Variants in CNTNAP2 observed in about 807,000 individuals in gnomAD.
CNTNAP2 encodes contactin-associated protein-like 2.
A neutral mutation model predicts 155.2 loss-of-function variants in CNTNAP2; 98 were observed. The observed-to-expected ratio is 0.63, with a 90% CI of 0.54 to 0.75. CNTNAP2 has a LOEUF of 0.75. Among genes scored for constraint, CNTNAP2 ranks in the 30% least tolerant of loss-of-function variants. CNTNAP2 has a pLI of 0.00. For synonymous variants in CNTNAP2, 651 were observed against 631.2 expected (o/e 1.03, Z -0.47); for missense variants, 1,727 against 1,688.1 (o/e 1.02, Z -0.40).
intron 8 of CNTNAP2, among the ~76,000 whole-genome samples, chr7:147,166,123 C>T (rs1417281098): frequency 6.6e-6 from 1 of 152,102 alleles, no homozygotes; most frequent in Non-Finnish European, 1.5e-5. Context: ...AAATATGGAA[C>T]CAGCCCAAAT....
intron 21 of CNTNAP2, among the ~76,000 whole-genome samples, chr7:148,286,702 C>G (rs1176685917): frequency 1.3e-5 from 2 of 152,118 alleles, no homozygotes; most frequent in Non-Finnish European, 2.9e-5. Context: ...ATTAATTAAA[C>G]AAAGTGACTT....
At chr7:147,632,687 A>T (rs897448805) in intron 12 of CNTNAP2, among the ~76,000 whole-genome samples, 1 of 152,226 alleles carries the variant, frequency 6.6e-6, no homozygotes, top group Non-Finnish European at 1.5e-5. Context: ...TGCTGTAAAG[A>T]TATCCAAAAA....
intron 13 of CNTNAP2, among the ~76,000 whole-genome samples, chr7:147,719,950 T>C (rs1796539715): frequency 6.6e-6 from 1 of 152,140 alleles, no homozygotes; most frequent in African/African-American, 2.4e-5. Flanking sequence ...AAAGTTAATA[T>C]GTTCCCGCCT....
chr7:148,332,384 A>G (rs757479793), intron 21 of CNTNAP2, among the ~76,000 whole-genome samples: 10 of 152,242 alleles, frequency 6.6e-5, no homozygotes, highest in Admixed American at 2.6e-4. Flanking sequence ...TGCTTTACTC[A>G]TAGTTAGAGG....
chr7:146,185,490 G>A (rs1366188176), intron 1 of CNTNAP2, among the ~76,000 whole-genome samples: 1 of 152,174 alleles, frequency 6.6e-6, no homozygotes, highest in Non-Finnish European at 1.5e-5. Context: ...GCTCTGAATT[G>A]AAAGAGGAAC....
At chr7:147,353,585 T>C (rs1282674247) in intron 9 of CNTNAP2, among the ~76,000 whole-genome samples, 2 of 152,190 alleles carry the variant, frequency 1.3e-5, no homozygotes, top group African/African-American at 4.8e-5. Context: ...TTTGCTATTA[T>C]GAACAGTGCT....
At chr7:147,837,419 C>G (rs987338720) in intron 13 of CNTNAP2, among the ~76,000 whole-genome samples, 1 of 152,132 alleles carries the variant, frequency 6.6e-6, no homozygotes, top group African/African-American at 2.4e-5. Flanking sequence ...GTGGGAGCTA[C>G]AATTCAAGTT....
chr7:146,466,686 C>T (rs891030501), intron 1 of CNTNAP2, among the ~76,000 whole-genome samples: 6 of 152,030 alleles, frequency 3.9e-5, no homozygotes, highest in Admixed American at 6.6e-5. Context: ...TAGTTTTAAG[C>T]GTAATAAATG....
chr7:146,351,316 CATA>C (rs1016147317), intron 1 of CNTNAP2, among the ~76,000 whole-genome samples: 3 of 151,366 alleles, frequency 2.0e-5, no homozygotes, highest in African/African-American at 7.3e-5. Context: ...CAAATAAAAA[CATA>C]ATGTGTATTT....
rs1216109835 is a variant in CNTNAP2 at position 147,438,840 on chromosome 7, G to C, written c.1670+43060G>C. Among the ~76,000 whole-genome samples the C allele has an allele frequency of 2.6e-5, 4 of 151,852 alleles. No homozygotes were observed. In the East Asian group the frequency reaches 5.8e-4, roughly 22 times the overall value. On this transcript the variant is annotated intron_variant, in intron 10 of 23. Coordinates refer to ENST00000361727, the MANE Select transcript of CNTNAP2 (RefSeq NM_014141.6). Reference sequence around the variant, plus strand: ...GTAGGTTGTATGTGTCTGGGAATTTGTCCATTTTTTTCCCTAGATTTTTCC... The same window carrying C: ...GTAGGTTGTATGTGTCTGGGAATTTCTCCATTTTTTTCCCTAGATTTTTCC...
intron 1 of CNTNAP2, among the ~76,000 whole-genome samples, chr7:146,185,778 T>G (rs944331587): frequency 6.0e-5 from 9 of 150,886 alleles, no homozygotes; most frequent in Non-Finnish European, 1.0e-4. Flanking sequence ...TTTTTTTTTT[T>G]GTAGAACACA....
chr7:147,849,975 C>A (rs540712780), intron 13 of CNTNAP2: 2 of 152,182 alleles, frequency 1.3e-5, no homozygotes, highest in Non-Finnish European at 2.9e-5. Flanking sequence ...AGATAACTAG[C>A]TGAGACTTCA....
At chr7:147,239,972 G>A (rs1039318401) in intron 8 of CNTNAP2, among the ~76,000 whole-genome samples, 1 of 152,168 alleles carries the variant, frequency 6.6e-6, no homozygotes, top group African/African-American at 2.4e-5. Flanking sequence ...TTATACAGCA[G>A]TGAATTATGA....
At chr7:147,941,582 A>G (rs1218956941) in intron 14 of CNTNAP2, among the ~76,000 whole-genome samples, 1 of 152,226 alleles carries the variant, frequency 6.6e-6, no homozygotes, top group Non-Finnish European at 1.5e-5. Flanking sequence ...TGTGAATGGC[A>G]GTGGGTACAC....
chr7:147,551,060 A>G (rs142862296), intron 11 of CNTNAP2, among the ~76,000 whole-genome samples: 1 of 152,200 alleles, frequency 6.6e-6, no homozygotes, highest in Non-Finnish European at 1.5e-5. Flanking sequence ...AGCAAAAATT[A>G]TGATATGGTT....
chr7:148,038,717 C>G (rs1448469376), intron 15 of CNTNAP2, among the ~76,000 whole-genome samples: 1 of 152,002 alleles, frequency 6.6e-6, no homozygotes, highest in Non-Finnish European at 1.5e-5. Context: ...TCATTTGATG[C>G]CCATAGAAAC....
rs540261216 is a variant in CNTNAP2 at position 146,245,750 on chromosome 7, C to T, written c.97+128777C>T. On this transcript the variant is annotated intron_variant, in intron 1 of 23. Transcript: ENST00000361727. ...AAGTAATGGGGGCTGTCTGTGAAGC[C>T]TTGCGGCAGTACAGCCCAGGTAATT... 2.4e-4 allele frequency among the ~76,000 whole-genome samples: 37 copies of T among 152,190 alleles called. No homozygotes were observed. In the South Asian group the frequency reaches 4.8e-3, roughly 20 times the overall value.
chr7:147,461,202 A>G (rs1178890754), intron 10 of CNTNAP2, among the ~76,000 whole-genome samples: 1 of 152,248 alleles, frequency 6.6e-6, no homozygotes, highest in African/African-American at 2.4e-5. Flanking sequence ...AAATAAATAC[A>G]TAACAAAATA....
intron 3 of CNTNAP2, among the ~76,000 whole-genome samples, chr7:147,012,578 T>C (rs1798647161): frequency 6.6e-6 from 1 of 152,126 alleles, no homozygotes; most frequent in Non-Finnish European, 1.5e-5. Context: ...TGAAAGTAAA[T>C]GACAGATTAA....
Sources: allele counts gnomAD v4.1 joint callset (sites outside exome capture counted in the v4.1 genomes callset), GRCh38; gene constraint gnomAD v4.1.1; transcripts MANE v1.5; gene names NCBI Gene and HGNC (gene_info 2026-07-23, HGNC 2026-07-21).